ARPC5L: variants seen among roughly 807,000 people sequenced by gnomAD.
ARPC5L encodes actin-related protein 2/3 complex subunit 5-like protein.
ARPC5L carries 4 observed loss-of-function variants against 16.9 expected under a neutral mutation model. The ratio of observed to expected loss-of-function variants is 0.24; its 90% CI spans 0.12 to 0.54. ARPC5L has a LOEUF of 0.54. Among genes scored for constraint, ARPC5L ranks in the 20% least tolerant of loss-of-function variants. The pLI, the probability that ARPC5L is intolerant of heterozygous loss-of-function variation, is 0.95. For synonymous variants in ARPC5L, 78 were observed against 82.6 expected, an observed-to-expected ratio of 0.94 and a Z score of 0.30; for missense variants, 151 against 201.9, an observed-to-expected ratio of 0.75 and a Z score of 1.53.
intron 1 of ARPC5L, 105 bp downstream of exon 1, chr9:124,862,503 C>T: frequency 7.3e-6 from 1 of 136,710 alleles, no homozygotes; most frequent in South Asian, 2.4e-4. Flanking sequence ...AGAGCATTTA[C>T]ACCTTTTTTT....
intron 2 of ARPC5L, among the ~76,000 whole-genome samples, chr9:124,864,487 G>A (rs1048047343): frequency 5.3e-5 from 8 of 151,330 alleles, no homozygotes; most frequent in African/African-American, 1.7e-4. Flanking sequence ...TCAGCCTCCC[G>A]AGGAACTGGG....
intron 2 of ARPC5L, among the ~76,000 whole-genome samples, chr9:124,867,308 ATTG>A (rs972625118): frequency 2.6e-5 from 4 of 151,412 alleles, no homozygotes; most frequent in Non-Finnish European, 5.9e-5. Context: ...TGCCTAGCTA[ATTG>A]TTGTGTTTTT....
At chr9:124,873,883 G>T (rs1829396975) in intron 4 of ARPC5L, 119 bp downstream of exon 4, 34 of 1,262,166 alleles carry the variant, frequency 2.7e-5, no homozygotes, top group Non-Finnish European at 3.6e-5. Context: ...ACTGGGCGGG[G>T]CTTCCAGGGA....
In ARPC5L at chr9:124,869,197, C is replaced by G. The variant is rs535215872; in HGVS notation, c.-94C>G. On this transcript the variant is annotated 5_prime_UTR_variant, in exon 3 of 6. Transcript: ENST00000353214. ...GAGGTGCTGGGAGCAGCCGGGCAGC[C>G]GCTTCCCGCCCCCGAGCAGGAGCCG... is the stretch of plus-strand genomic sequence containing the variant. The G allele has an allele frequency of 3.9e-4, 518 of 1,313,188 alleles. 2 individuals carry two copies. The African/African-American group carries it at 7.3e-3, about 18-fold the overall frequency. 81.3% of individuals were successfully genotyped at this position (1,313,188 alleles called of 1,614,324 possible).
chr9:124,868,052 G>C (rs913367844), intron 2 of ARPC5L, among the ~76,000 whole-genome samples: 7 of 151,896 alleles, frequency 4.6e-5, no homozygotes, highest in African/African-American at 1.7e-4. Flanking sequence ...CAGGTGATCC[G>C]CCCACCTCGG....
In ARPC5L at chr9:124,869,178, C is replaced by T. The variant is rs1439552507; in HGVS notation, c.-113C>T. 9 of 1,222,246 alleles carry T rather than the reference C, an allele frequency of 7.4e-6. No individual in the cohort carries two copies. The highest frequency in any genetic ancestry group is 3.1e-4 in the Middle Eastern group (1 of 3,244). The allele number at this position is 1,222,246 out of a possible 1,614,324, so 75.7% of individuals were successfully genotyped here. A position where few individuals can be genotyped will look rare whatever the true frequency, so the allele number is the denominator to read the frequency against. Reference sequence around the variant, plus strand: ...GCGCGCGGAGGCGGTGGAGGAGGTGCTGGGAGCAGCCGGGCAGCCGCTTCC... The same window carrying T: ...GCGCGCGGAGGCGGTGGAGGAGGTGTTGGGAGCAGCCGGGCAGCCGCTTCC... On this transcript the variant is annotated 5_prime_UTR_variant, in exon 3 of 6. Transcript: ENST00000353214.
chr9:124,870,992 G>GT (rs1442378533), intron 3 of ARPC5L, among the ~76,000 whole-genome samples: 1 of 152,234 alleles, frequency 6.6e-6, no homozygotes, highest in Non-Finnish European at 1.5e-5. Flanking sequence ...TCCACTTGGG[G>GT]TTGGGGAAAG....
intron 3 of ARPC5L, among the ~76,000 whole-genome samples, chr9:124,869,815 A>G (rs998845945): frequency 1.1e-4 from 16 of 152,096 alleles, no homozygotes; most frequent in African/African-American, 2.2e-4. Flanking sequence ...AATCGGGCCT[A>G]TGGCGGGGCT....
chr9:124,864,486 C>T (rs929174613), intron 2 of ARPC5L, among the ~76,000 whole-genome samples: 12 of 152,132 alleles, frequency 7.9e-5, no homozygotes, highest in African/African-American at 2.7e-4. Context: ...CTCAGCCTCC[C>T]GAGGAACTGG....
intron 2 of ARPC5L, among the ~76,000 whole-genome samples, chr9:124,866,885 G>T (rs1829278009): frequency 6.6e-6 from 1 of 152,134 alleles, no homozygotes; most frequent in African/African-American, 2.4e-5. Flanking sequence ...CTGCTTAGAA[G>T]GCCCTTTTCA....
Position 124,871,778 on chromosome 9 carries a change from G to A in ARPC5L, c.150-1914G>A, listed in dbSNP as rs573214961. ...TTGCACCCTTCCCCTCCACCCCCAG[G>A]AAACTGGAGACATTTTGATGGTTAC... On this transcript the variant is annotated intron_variant, in intron 3 of 5. Coordinates refer to ENST00000353214, the MANE Select transcript of ARPC5L (RefSeq NM_030978.3). 3.9e-4 allele frequency among the ~76,000 whole-genome samples: 60 copies of A among 152,230 alleles called. No individual in the cohort carries two copies. The South Asian group carries it at 3.9e-3, about 10-fold the overall frequency.
At position 124,876,419 on chromosome 9, in the gene ARPC5L, A is replaced by G. The variant is rs116928988; in HGVS notation, c.400-459A>G. On this transcript the variant is annotated intron_variant, in intron 5 of 5. Coordinates refer to ENST00000353214, the MANE Select transcript of ARPC5L (RefSeq NM_030978.3). Reference sequence around the variant, plus strand: ...GGAGAAGCGCTTGAACTGGGGAGGCAGGGTTGCAGTGAGCCGAGATCGTGC... The same window carrying G: ...GGAGAAGCGCTTGAACTGGGGAGGCGGGGTTGCAGTGAGCCGAGATCGTGC... Among the ~76,000 whole-genome samples the G allele has an allele frequency of 7.4e-3, 1,127 of 151,744 alleles. 17 individuals carry two copies. Among genetic ancestry groups the G allele is most frequent in the East Asian group, 0.022 (111 of 5,160 alleles).
At chr9:124,868,274 G>A in intron 2 of ARPC5L, among the ~76,000 whole-genome samples, 154 bp from the exon 3 acceptor site, 1 of 152,114 alleles carries the variant, frequency 6.6e-6, no homozygotes, top group East Asian at 1.9e-4. Context: ...ACTATTAGAT[G>A]AAAATAGTTT....
At chr9:124,864,632 C>A (rs190575058) in intron 2 of ARPC5L, among the ~76,000 whole-genome samples, 233 of 152,308 alleles carry the variant, frequency 1.5e-3, no homozygotes, top group African/African-American at 5.2e-3. Context: ...CCTGCCTTGG[C>A]CTCCCAAAGT....
chr9:124,869,158 C>A lies in ARPC5L; in HGVS notation c.-133C>A. ...GTGGGCGGGCGGCGGCGGCTGCGCG[C>A]GGAGGCGGTGGAGGAGGTGCTGGGA... On this transcript the variant is annotated 5_prime_UTR_variant, in exon 3 of 6. Transcript: ENST00000353214. The A allele has an allele frequency of 1.9e-6, 2 of 1,049,688 alleles. No individual in the cohort carries two copies. Among genetic ancestry groups the A allele is most frequent in the Non-Finnish European group, 2.5e-6 (2 of 811,828 alleles). 65.0% of individuals were successfully genotyped at this position (1,049,688 alleles called of 1,614,324 possible).
At chr9:124,876,831 G>A in intron 5 of ARPC5L, 47 bp from the exon 6 acceptor site, 1 of 1,546,372 alleles carries the variant, frequency 6.5e-7, no homozygotes, top group Non-Finnish European at 8.8e-7. Flanking sequence ...GGCTCCCCTT[G>A]GCCAGCCAGG....
At position 124,869,404 on chromosome 9, in the gene ARPC5L, C is replaced by A. The variant is rs1829322183; in HGVS notation, c.114C>A (p.Gly38=). The A allele has an allele frequency of 6.6e-7, 1 of 1,504,506 alleles. No homozygotes were observed. Among genetic ancestry groups the A allele is most frequent in the African/African-American group, 1.5e-5 (1 of 68,580 alleles). The allele number at this position is 1,504,506 out of a possible 1,614,324, so 93.2% of individuals were successfully genotyped here. The change falls in exon 3 of 6, where the codon GGC becomes GGA. Residue 38 remains glycine (G), a synonymous_variant. Transcript: ENST00000353214. ...CGGCGGCGGCGGCGGCGGAGCCAGG[C>A]CCGGACCCGAGCGAGGTGGACGGGC... is the stretch of plus-strand genomic sequence containing the variant. ...EEAAAAAAEP[G]PDPSEVDGLL... is the part of the protein sequence containing the mutation.
chr9:124,869,739 T>TGCCTCCTC (rs1829328771), intron 3 of ARPC5L, among the ~76,000 whole-genome samples: 2 of 151,642 alleles, frequency 1.3e-5, no homozygotes, highest in South Asian at 4.1e-4. Context: ...CTTCCCTCCT[T>TGCCTCCTC]GCCTCCTCGT....
At chr9:124,865,234 T>G (rs1231012774) in intron 2 of ARPC5L, among the ~76,000 whole-genome samples, 2 of 149,584 alleles carry the variant, frequency 1.3e-5, no homozygotes, top group Non-Finnish European at 3.0e-5. Context: ...AGAGAATCGC[T>G]TGAACCCAGA....
Sources: allele counts gnomAD v4.1 joint callset (sites outside exome capture counted in the v4.1 genomes callset), GRCh38; gene constraint gnomAD v4.1.1; transcripts MANE v1.5; gene names NCBI Gene and HGNC (gene_info 2026-07-23, HGNC 2026-07-21).